NFAT5: variants seen among roughly 807,000 people sequenced by gnomAD.
NFAT5 encodes nuclear factor of activated T-cells 5.
Under a neutral mutation model 166.5 loss-of-function variants are expected in NFAT5, and 31 were observed. That is an observed-to-expected ratio of 0.19 (90% CI 0.14 to 0.25). The LOEUF is 0.25. Among genes scored for constraint, NFAT5 ranks in the 10% least tolerant of loss-of-function variants. The pLI is 1.00. For synonymous variants in NFAT5, 612 were observed against 639.7 expected (o/e 0.96, Z 0.65); for missense variants, 1,449 against 1,821.8 (o/e 0.80, Z 3.72).
At chr16:69,671,275 C>A (rs745549348) in intron 9 of NFAT5, among the ~76,000 whole-genome samples, 5 of 152,218 alleles carry the variant, frequency 3.3e-5, no homozygotes, top group African/African-American at 4.8e-5. Flanking sequence ...ATTTTTCCTA[C>A]TGTCCCCTTG....
chr16:69,580,955 G>A (rs1336835996), intron 2 of NFAT5, among the ~76,000 whole-genome samples: 2 of 152,152 alleles, frequency 1.3e-5, no homozygotes, highest in African/African-American at 2.4e-5. Flanking sequence ...GCACCCGGCC[G>A]AAATCCAAAT....
chr16:69,577,929 G>T (rs1246964765), intron 2 of NFAT5, among the ~76,000 whole-genome samples: 2 of 152,084 alleles, frequency 1.3e-5, no homozygotes, highest in Non-Finnish European at 2.9e-5. Flanking sequence ...GGAGGTAGAG[G>T]ATGCAGTGAG....
At chr16:69,584,704 C>A (rs1040386434) in intron 2 of NFAT5, among the ~76,000 whole-genome samples, 1 of 151,868 alleles carries the variant, frequency 6.6e-6, no homozygotes, top group African/African-American at 2.4e-5. Context: ...CGGAGGATCC[C>A]CTGAGGCCAG....
intron 3 of NFAT5, among the ~76,000 whole-genome samples, chr16:69,637,663 G>A (rs79799066): frequency 0.019 from 2,845 of 152,206 alleles, 89 homozygotes; most frequent in African/African-American, 0.065. Flanking sequence ...AAGACCAGCC[G>A]CCATGACTCA....
At chr16:69,694,497 C>T (rs548394639) in intron 13 of NFAT5, among the ~76,000 whole-genome samples, 17 of 152,282 alleles carry the variant, frequency 1.1e-4, no homozygotes, top group African/African-American at 2.9e-4. Context: ...TCAAGTGATC[C>T]GCTGGCCTCG....
intron 9 of NFAT5, among the ~76,000 whole-genome samples, chr16:69,673,985 A>G (rs537783536): frequency 5.3e-5 from 8 of 152,204 alleles, no homozygotes; most frequent in Non-Finnish European, 8.8e-5. Flanking sequence ...GCTCATGCCT[A>G]TAATCCCAGC....
At chr16:69,576,062 G>A (rs2016727925) in intron 2 of NFAT5, among the ~76,000 whole-genome samples, 1 of 151,978 alleles carries the variant, frequency 6.6e-6, no homozygotes. Context: ...CAGCACTTTG[G>A]GAGGCCGAGG....
At chr16:69,687,302 G>A (rs375081577) in intron 11 of NFAT5, among the ~76,000 whole-genome samples, 3 of 152,010 alleles carry the variant, frequency 2.0e-5, no homozygotes, top group East Asian at 1.9e-4. Context: ...TTAGCTGGGC[G>A]TGGTGGTGTG....
At chr16:69,620,460 A>T (rs1263811491) in intron 2 of NFAT5, among the ~76,000 whole-genome samples, 2 of 152,152 alleles carry the variant, frequency 1.3e-5, no homozygotes, top group African/African-American at 4.8e-5. Context: ...CAGGTCAGGC[A>T]TGGTGGCTCA....
At position 69,609,334 on chromosome 16, in the gene NFAT5, A is replaced by G. The variant is rs118035030; in HGVS notation, c.128-17069A>G. Among the ~76,000 whole-genome samples the G allele has an allele frequency of 5.5e-3, 834 of 152,296 alleles. 2 individuals are homozygous for G. The highest frequency in any genetic ancestry group is 9.6e-3 in the Non-Finnish European group (655 of 68,014). On this transcript the variant is annotated intron_variant, in intron 2 of 14. Transcript: ENST00000349945. ...CACTTGTGAAGCTTTATACACATAT[A>G]CATTCTGTGATCTTATTCCCTGTAA... is the stretch of plus-strand genomic sequence containing the variant.
chr16:69,646,320 C>T (rs2035438002), intron 3 of NFAT5, among the ~76,000 whole-genome samples: 1 of 152,180 alleles, frequency 6.6e-6, no homozygotes, highest in Non-Finnish European at 1.5e-5. Context: ...GCTTCTACAA[C>T]CCAGAATGTT....
At chr16:69,596,879 A>G (rs1439463467) in intron 2 of NFAT5, among the ~76,000 whole-genome samples, 1 of 152,162 alleles carries the variant, frequency 6.6e-6, no homozygotes, top group Non-Finnish European at 1.5e-5. Flanking sequence ...GAGTCAGACT[A>G]GTAAATAATT....
At chr16:69,696,194 C>T (rs918831452) in intron 14 of NFAT5, among the ~76,000 whole-genome samples, 166 bp from the exon 15 acceptor site, 1 of 152,098 alleles carries the variant, frequency 6.6e-6, no homozygotes. Flanking sequence ...CTCACTTATC[C>T]CTTCCTCCAG....
chr16:69,639,237 T>C (rs2035101496), intron 3 of NFAT5, among the ~76,000 whole-genome samples: 1 of 152,232 alleles, frequency 6.6e-6, no homozygotes, highest in African/African-American at 2.4e-5. Flanking sequence ...TACACTGTGC[T>C]TAGATCCTTT....
Position 69,576,828 on chromosome 16 carries a change from G to A in NFAT5, c.127+8280G>A, listed in dbSNP as rs564746247. Among the ~76,000 whole-genome samples the A allele has an allele frequency of 3.8e-3, 584 of 152,302 alleles. 4 individuals carry two copies. The highest frequency in any genetic ancestry group is 0.013 in the African/African-American group (543 of 41,554). On this transcript the variant is annotated intron_variant, in intron 2 of 14. Transcript: ENST00000349945. The stretch of plus-strand genomic sequence containing the variant: ...ATACCTCTCTCCTGGCTGATGATGG[G>A]ACTCAGAAGTGAAAAGTAGGAGAAG...
chr16:69,700,670 C>T lies in NFAT5; in HGVS notation c.*4319C>T, dbSNP rs1427782205. The T allele has an allele frequency of 6.6e-6, 1 of 152,028 alleles. No individual in the cohort carries two copies. The highest frequency in any genetic ancestry group is 1.5e-5 in the Non-Finnish European group (1 of 68,012). 9.4% of individuals were successfully genotyped at this position (152,028 alleles called of 1,614,324 possible). A position where few individuals can be genotyped will look rare whatever the true frequency, so the allele number is the denominator to read the frequency against. On this transcript the variant is annotated 3_prime_UTR_variant, in exon 15 of 15. Coordinates refer to ENST00000349945, the MANE Select transcript of NFAT5 (RefSeq NM_138713.4). Reference sequence around the variant, plus strand: ...TCTGCTTTATGACCACAGGTTTTATCCCTAACCGAGACAGCTGTCTTATAT... The same window carrying T: ...TCTGCTTTATGACCACAGGTTTTATTCCTAACCGAGACAGCTGTCTTATAT...
At chr16:69,650,681 TC>T in intron 4 of NFAT5, among the ~76,000 whole-genome samples, 1 of 152,262 alleles carries the variant, frequency 6.6e-6, no homozygotes, top group East Asian at 1.9e-4. Flanking sequence ...ACTAAAATTT[TC>T]CCTTTTCTAT....
intron 9 of NFAT5, among the ~76,000 whole-genome samples, chr16:69,670,674 G>A (rs2036589906): frequency 6.6e-6 from 1 of 152,160 alleles, no homozygotes; most frequent in Non-Finnish European, 1.5e-5. Context: ...CTTGTGTTTA[G>A]AAGCACTCAT....
intron 2 of NFAT5, among the ~76,000 whole-genome samples, chr16:69,574,863 G>A (rs1291944772): frequency 3.3e-5 from 5 of 151,774 alleles, no homozygotes; most frequent in Admixed American, 3.3e-4. Context: ...GTAGAGATGG[G>A]GTTTCACCAT....
Sources: allele counts gnomAD v4.1 joint callset (sites outside exome capture counted in the v4.1 genomes callset), GRCh38; gene constraint gnomAD v4.1.1; transcripts MANE v1.5; gene names NCBI Gene and HGNC (gene_info 2026-07-23, HGNC 2026-07-21).